NDRG1: variants seen among roughly 807,000 people sequenced by gnomAD.
NDRG1 encodes N-myc downstream regulated 1.
In NDRG1, 32 loss-of-function variants were observed where a neutral mutation model predicts 56.9. That is an observed-to-expected ratio of 0.56 (90% CI 0.42 to 0.76). The LOEUF (loss-of-function observed/expected upper bound fraction) is 0.76. NDRG1 is among the 30% of genes least tolerant of loss of function. The pLI, the probability that NDRG1 is intolerant of heterozygous loss-of-function variation, is 0.00. For synonymous variants in NDRG1, 211 were observed against 204.1 expected, an observed-to-expected ratio of 1.03 and a Z score of -0.29; for missense variants, 507 against 545.7, an observed-to-expected ratio of 0.93 and a Z score of 0.71.
At chr8:133,256,926 A>T in intron 7 of NDRG1, 63 bp from the exon 8 acceptor site, 4 of 1,493,896 alleles carry the variant, frequency 2.7e-6, no homozygotes, top group Non-Finnish European at 3.7e-6. Context: ...GGAACTTTCC[A>T]AGGCAAACCA....
intron 13 of NDRG1, among the ~76,000 whole-genome samples, chr8:133,245,876 C>A (rs949604198): frequency 1.3e-5 from 2 of 152,176 alleles, no homozygotes; most frequent in African/African-American, 2.4e-5. Context: ...AACAGCCTCC[C>A]ACTCAATAAG....
intron 3 of NDRG1, chr8:133,264,928 T>A (rs1856841838): frequency 1.4e-5 from 7 of 495,600 alleles, no homozygotes; most frequent in Non-Finnish European, 1.9e-5. Context: ...CGCCACCATC[T>A]CTGCCCCGGA....
chr8:133,244,316 G>A (rs2233341), intron 14 of NDRG1, 39 bp downstream of exon 14: 2 of 1,613,130 alleles, frequency 1.2e-6, no homozygotes, highest in South Asian at 1.1e-5. Flanking sequence ...CCAGGGGGAA[G>A]CGACAGCTGT....
At chr8:133,258,578 T>C (rs1371804188) in intron 6 of NDRG1, 152 bp from the exon 7 acceptor site, 6 of 773,654 alleles carry the variant, frequency 7.8e-6, no homozygotes, top group Non-Finnish European at 1.3e-5. Context: ...GTCACCATGC[T>C]TTAGGACTGG....
rs117718511 is a variant in NDRG1, at chr8:133,281,427, C to T, written c.64-1160G>A. Among the ~76,000 whole-genome samples the T allele has an allele frequency of 6.0e-3, 909 of 151,812 alleles. 5 individuals carry two copies. The highest frequency in any genetic ancestry group is 8.6e-3 in the Non-Finnish European group (586 of 67,988). On this transcript the variant is annotated intron_variant, in intron 2 of 15. Coordinates refer to ENST00000323851, the MANE Select transcript of NDRG1 (RefSeq NM_006096.4). The stretch of plus-strand genomic sequence containing the variant: ...TTTACCAGAGCTGTCCATGGCAGGA[C>T]AGGCCCAGGAAGACAGAGAAAAGTC...
chr8:133,288,752 T>C (rs1858270727), intron 1 of NDRG1, among the ~76,000 whole-genome samples: 2 of 152,316 alleles, frequency 1.3e-5, no homozygotes, highest in South Asian at 2.1e-4. Context: ...AGCCCCACCT[T>C]TGGAGTGGCT....
intron 1 of NDRG1, among the ~76,000 whole-genome samples, chr8:133,289,303 G>T (rs1181682872): frequency 6.6e-6 from 1 of 152,134 alleles, no homozygotes; most frequent in African/African-American, 2.4e-5. Flanking sequence ...TTAAATTCAA[G>T]AATGGCATGG....
chr8:133,273,832 A>G (rs1462307622), intron 3 of NDRG1, among the ~76,000 whole-genome samples: 1 of 152,142 alleles, frequency 6.6e-6, no homozygotes, highest in African/African-American at 2.4e-5. Flanking sequence ...AAGCTCTCCA[A>G]CTGGAGCAGA....
At chr8:133,252,990 G>C (rs1195147531) in intron 9 of NDRG1, among the ~76,000 whole-genome samples, 1 of 152,230 alleles carries the variant, frequency 6.6e-6, no homozygotes, top group East Asian at 1.9e-4. Flanking sequence ...TGGAGGCTGT[G>C]TCCCCAGGAC....
Position 133,238,629 on chromosome 8 carries a change from A to C in NDRG1, c.*249T>G. ...GAGGGGAGGAGAGTGGCAACCGGCC[A>C]CTGGTTAATGGAAGAGGATGCGATG... On this transcript the variant is annotated 3_prime_UTR_variant, in exon 16 of 16. Coordinates refer to ENST00000323851, the MANE Select transcript of NDRG1 (RefSeq NM_006096.4). 1 of 565,718 alleles carries C rather than the reference A, an allele frequency of 1.8e-6. No individual in the cohort carries two copies. The highest frequency in any genetic ancestry group is 2.4e-5 in the South Asian group (1 of 41,142). 35.0% of individuals were successfully genotyped at this position (565,718 alleles called of 1,614,324 possible). A position where few individuals can be genotyped will look rare whatever the true frequency, so the allele number is the denominator to read the frequency against.
intron 8 of NDRG1, 76 bp from the exon 9 acceptor site, chr8:133,254,671 C>T: frequency 6.8e-7 from 1 of 1,474,482 alleles, no homozygotes. Context: ...ACCCCACTTC[C>T]CTGGGTGCAG....
intron 2 of NDRG1, among the ~76,000 whole-genome samples, chr8:133,283,635 C>G (rs1427809091): frequency 6.6e-6 from 1 of 152,242 alleles, no homozygotes. Context: ...TCTAACTGTT[C>G]CCTATGAATT....
chr8:133,253,791 T>A (rs1484410049), intron 9 of NDRG1, among the ~76,000 whole-genome samples: 6 of 152,176 alleles, frequency 3.9e-5, no homozygotes, highest in African/African-American at 1.4e-4. Context: ...CTCAAACTCC[T>A]GGGCTCAAGC....
Position 133,238,716 on chromosome 8 carries a change from G to A in NDRG1, c.*162C>T, listed in dbSNP as rs1361722325. On this transcript the variant is annotated 3_prime_UTR_variant, in exon 16 of 16. Transcript: ENST00000323851. The stretch of plus-strand genomic sequence containing the variant: ...CCCCGCCTTTGGAGAGGGCACCCAC[G>A]TAATAGACCTCATTTGTCTCCACCA... 1.2e-5 allele frequency: 11 copies of A among 892,100 alleles called. No homozygotes were observed. The East Asian group carries it at 1.3e-4, about 11-fold the overall frequency. The allele number at this position is 892,100 out of a possible 1,614,324, so 55.3% of individuals were successfully genotyped here. A position where few individuals can be genotyped will look rare whatever the true frequency, so the allele number is the denominator to read the frequency against.
chr8:133,250,543 C>T lies in NDRG1; in HGVS notation c.595G>A (p.Glu199Lys). ...DMVVSHLFGKEEMQSNVEVVH... is the reference protein window; with the variant it reads ...DMVVSHLFGKKEMQSNVEVVH... The stretch of plus-strand genomic sequence containing the variant: ...ACTTCCACGTTACTCTGCATTTCTT[C>T]CTGCATTTAGAGAGGTGAGAAGATG... Residue 199 changes from glutamate (E) to lysine (K), a missense_variant and splice_region_variant, in exon 10 of 16, where the codon GAA becomes AAA. Physicochemically the swap from Glu to Lys is moderately conservative, Grantham distance 56. Coordinates refer to ENST00000323851, the MANE Select transcript of NDRG1 (RefSeq NM_006096.4). 1.2e-6 allele frequency: 2 copies of T among 1,613,936 alleles called. No homozygotes were observed. Among genetic ancestry groups the T allele is most frequent in the Non-Finnish European group, 1.7e-6 (2 of 1,179,890 alleles).
At chr8:133,246,500 A>AG in intron 13 of NDRG1, 116 bp downstream of exon 13, 1 of 1,086,460 alleles carries the variant, frequency 9.2e-7, no homozygotes, top group East Asian at 2.4e-5. Flanking sequence ...TAAATCATTA[A>AG]TTCTATAGTT....
intron 3 of NDRG1, among the ~76,000 whole-genome samples, chr8:133,279,520 A>G (rs143448947): frequency 6.0e-4 from 91 of 152,350 alleles, no homozygotes; most frequent in African/African-American, 2.2e-3. Flanking sequence ...GTAGCGGTTC[A>G]GGTGAGAACA....
chr8:133,273,633 C>T (rs569281529), intron 3 of NDRG1, among the ~76,000 whole-genome samples: 3 of 152,314 alleles, frequency 2.0e-5, no homozygotes, highest in East Asian at 3.9e-4. Flanking sequence ...TAACATTTTT[C>T]GGAAGCAGAT....
At chr8:133,248,223 G>A (rs567686098) in intron 11 of NDRG1, among the ~76,000 whole-genome samples, 1 of 152,178 alleles carries the variant, frequency 6.6e-6, no homozygotes, top group African/African-American at 2.4e-5. Flanking sequence ...ACCGAAACAA[G>A]AACAGCATGA....
Sources: allele counts gnomAD v4.1 joint callset (sites outside exome capture counted in the v4.1 genomes callset), GRCh38; gene constraint gnomAD v4.1.1; transcripts MANE v1.5; gene names NCBI Gene and HGNC (gene_info 2026-07-23, HGNC 2026-07-21).